CDCA5: variants seen among roughly 807,000 people sequenced by gnomAD.
CDCA5 encodes sororin.
Under a neutral mutation model 25.7 loss-of-function variants are expected in CDCA5, and 14 were observed. The ratio of observed to expected loss-of-function variants is 0.54; its 90% CI spans 0.36 to 0.85. The LOEUF (loss-of-function observed/expected upper bound fraction) is 0.85, where lower values mean the gene tolerates loss of function less well. Among genes scored for constraint, CDCA5 ranks in the 40% least tolerant of loss-of-function variants. CDCA5 has a pLI of 0.01. For missense variants in CDCA5, 307 were observed against 324.5 expected (o/e 0.95, Z 0.41); for synonymous variants, 127 against 128.7 (o/e 0.99, Z 0.09).
downstream of CDCA5, among the ~76,000 whole-genome samples, chr11:65,065,098 C>T (rs1360189248): frequency 3.3e-5 from 5 of 152,072 alleles, no homozygotes; most frequent in African/African-American, 1.2e-4. Context: ...TGATCATCCC[C>T]AGCCCGTTCC....
At chr11:65,080,834 G>T (rs1337173740) in intron 4 of CDCA5, among the ~76,000 whole-genome samples, 4 of 152,206 alleles carry the variant, frequency 2.6e-5, no homozygotes, top group Non-Finnish European at 5.9e-5. Flanking sequence ...AGAAAAACAG[G>T]TAAGAAAATT....
downstream of CDCA5, among the ~76,000 whole-genome samples, chr11:65,063,924 C>T (rs1321663945): frequency 6.6e-6 from 1 of 152,186 alleles, no homozygotes; most frequent in Non-Finnish European, 1.5e-5. Context: ...ACAGGAGTGG[C>T]TGCAGGGACT....
At position 65,077,748 on chromosome 11, in the gene CDCA5, GACTCCC is replaced by G. The variant is rs1207405989; in HGVS notation, c.*1353_*1358del. ...ACAGAGCGTTGAGCAGATGGCCTGG[GACTCCC>G]AGACCTGGCAGAGGGTTTTATTAGG... On this transcript the variant is annotated 3_prime_UTR_variant, in exon 6 of 6. Transcript: ENST00000275517. The G allele has an allele frequency of 2.0e-6, 2 of 985,470 alleles. No individual in the cohort carries two copies. Among genetic ancestry groups the G allele is most frequent in the African/African-American group, 3.5e-5 (2 of 57,228 alleles). The allele number at this position is 985,470 out of a possible 1,614,324, so 61.0% of individuals were successfully genotyped here.
intron 1 of CDCA5, chr11:65,068,648 C>T (rs1279476448): frequency 8.6e-7 from 1 of 1,160,216 alleles, no homozygotes; most frequent in Admixed American, 2.3e-5. Flanking sequence ...ACCATCCCCG[C>T]TATGCCATTT....
intron 5 of CDCA5, 26 bp from the exon 6 acceptor site, chr11:65,079,213 G>A (rs763391704): frequency 6.5e-7 from 1 of 1,543,662 alleles, no homozygotes; most frequent in South Asian, 1.2e-5. Context: ...TGAGGAGCAG[G>A]TGAGTGAGAA....
chr11:65,072,395 G>A (rs1019407606), intron 1 of CDCA5, among the ~76,000 whole-genome samples: 17 of 152,344 alleles, frequency 1.1e-4, no homozygotes, highest in African/African-American at 3.8e-4. Context: ...GGAGGGAGGG[G>A]TCCATAGGCT....
chr11:65,061,439 A>G (rs1002172752), downstream of CDCA5, among the ~76,000 whole-genome samples: 1 of 152,078 alleles, frequency 6.6e-6, no homozygotes, highest in Non-Finnish European at 1.5e-5. Context: ...GAGATAATAC[A>G]TGTTTATGGT....
chr11:65,061,485 G>A (rs571437896), downstream of CDCA5, among the ~76,000 whole-genome samples: 1 of 152,270 alleles, frequency 6.6e-6, no homozygotes, highest in South Asian at 2.1e-4. Flanking sequence ...TTATAACCGA[G>A]CAAAATAGGC....
intron 1 of CDCA5, among the ~76,000 whole-genome samples, chr11:65,068,846 G>A (rs1947290686): frequency 6.6e-6 from 1 of 152,110 alleles, no homozygotes; most frequent in Non-Finnish European, 1.5e-5. Flanking sequence ...ACAATGTTTG[G>A]GATATACTTA....
rs78455976 is a variant in CDCA5 at position 65,067,509 on chromosome 11, G to A, written c.368+146C>T. ...AACAAGCCCCTCCCCCAGACTGAACGCTCCTCAAGTTCTTGGACAATTAAA... is the reference window on the plus strand; with the variant it reads ...AACAAGCCCCTCCCCCAGACTGAACACTCCTCAAGTTCTTGGACAATTAAA... On this transcript the variant is annotated intron_variant, in intron 4 of 6. Coordinates refer to the CDCA5 transcript ENST00000525464. 1.3e-3 allele frequency: 489 copies of A among 388,006 alleles called. 1 individual carries two copies. Among genetic ancestry groups the A allele is most frequent in the African/African-American group, 9.4e-3 (451 of 47,746 alleles). 24.0% of individuals were successfully genotyped at this position (388,006 alleles called of 1,614,324 possible).
downstream of CDCA5, among the ~76,000 whole-genome samples, chr11:65,062,030 C>A (rs996507734): frequency 6.7e-6 from 1 of 148,764 alleles, no homozygotes; most frequent in African/African-American, 2.5e-5. Context: ...AAGTGATTCT[C>A]CTGCCTCAGC....
intron 1 of CDCA5, 104 bp from the exon 2 acceptor site, chr11:65,083,827 A>C: frequency 6.3e-7 from 1 of 1,588,274 alleles, no homozygotes; most frequent in Non-Finnish European, 8.6e-7. Context: ...AGCCCTTTTA[A>C]GGGCGCCTCC....
At position 65,083,923 on chromosome 11, in the gene CDCA5, C is replaced by T. The variant is rs1947633741; in HGVS notation, c.46+10G>A. On this transcript the variant is annotated intron_variant, in intron 1 of 5. Coordinates refer to ENST00000275517, the MANE Select transcript of CDCA5 (RefSeq NM_080668.4). ...CTCGACCTCACGTCTCCCGCGCGCC[C>T]TCCGCTCACCGGAGCGCTGAGCGGC... The T allele has an allele frequency of 1.2e-6, 2 of 1,609,852 alleles. No individual in the cohort carries two copies. The highest frequency in any genetic ancestry group is 8.5e-7 in the Non-Finnish European group (1 of 1,179,846).
At chr11:65,071,108 A>ATT (rs577421185) in intron 1 of CDCA5, among the ~76,000 whole-genome samples, 1 of 150,270 alleles carries the variant, frequency 6.7e-6, no homozygotes, top group East Asian at 2.0e-4. Context: ...CACCCGGCTA[A>ATT]TTTTTTGTAT....
Position 65,077,876 on chromosome 11 carries a change from G to A in CDCA5, c.*1231C>T, listed in dbSNP as rs1947477450. 8.1e-6 allele frequency: 8 copies of A among 985,726 alleles called. No homozygotes were observed. Among genetic ancestry groups the A allele is most frequent in the Non-Finnish European group, 9.6e-6 (8 of 830,072 alleles). 61.1% of individuals were successfully genotyped at this position (985,726 alleles called of 1,614,324 possible). The stretch of plus-strand genomic sequence containing the variant: ...TCCACCAGCTCCTCTGCACACCTCA[G>A]CGTCTACTTCCACGAACTTCTAAAC... On this transcript the variant is annotated 3_prime_UTR_variant, in exon 6 of 6. Transcript: ENST00000275517.
chr11:65,078,935 A>G lies in CDCA5; in HGVS notation c.*172T>C, dbSNP rs963596601. On this transcript the variant is annotated 3_prime_UTR_variant, in exon 6 of 6. Transcript: ENST00000275517. ...GGCGGCCCCATTTCCTAAAACCAAG[A>G]TGGCTGCCGCTGCTGCCCAAGCCCT... 2.4e-6 allele frequency: 3 copies of G among 1,258,572 alleles called. No individual in the cohort carries two copies. The highest frequency in any genetic ancestry group is 3.1e-5 in the African/African-American group (2 of 65,216). The allele number at this position is 1,258,572 out of a possible 1,614,324, so 78.0% of individuals were successfully genotyped here. A position where few individuals can be genotyped will look rare whatever the true frequency, so the allele number is the denominator to read the frequency against.
chr11:65,073,250 T>C (rs543854784), downstream of CDCA5, among the ~76,000 whole-genome samples: 1 of 152,170 alleles, frequency 6.6e-6, no homozygotes, highest in African/African-American at 2.4e-5. Flanking sequence ...CGGCCGACTA[T>C]CTCATTTTTA....
chr11:65,083,386 T>TG lies in CDCA5; in HGVS notation c.220dup (p.Gln74ProfsTer8). On this transcript the variant is annotated frameshift_variant, in exon 4 of 6. Coordinates refer to ENST00000275517, the MANE Select transcript of CDCA5 (RefSeq NM_080668.4). LOFTEE classifies it high-confidence loss of function. ...CACCCTAGGGCTCCTGCGAGGTGAT[T>TG]GGACAGCTGGGACCTGCGGGGGACA... 1 of 1,614,196 alleles carries TG rather than the reference T, an allele frequency of 6.2e-7. No homozygotes were observed. The highest frequency in any genetic ancestry group is 8.5e-7 in the Non-Finnish European group (1 of 1,180,046).
At chr11:65,077,014 G>A (rs1401357443), downstream of CDCA5, among the ~76,000 whole-genome samples, 1 of 152,166 alleles carries the variant, frequency 6.6e-6, no homozygotes, top group Non-Finnish European at 1.5e-5. Context: ...CAGGCCAGGC[G>A]CAGTGGCTCA....
Sources: allele counts gnomAD v4.1 joint callset (sites outside exome capture counted in the v4.1 genomes callset), GRCh38; gene constraint gnomAD v4.1.1; transcripts MANE v1.5; gene names NCBI Gene and HGNC (gene_info 2026-07-23, HGNC 2026-07-21).